Variants in GREB1L observed in about 807,000 individuals in gnomAD.
GREB1L encodes the protein GREB1 like retinoic acid receptor coactivator.
Under a neutral mutation model 200.8 loss-of-function variants are expected in GREB1L, and 17 were observed. The observed-to-expected ratio is 0.08, with a 90% CI of 0.06 to 0.13. The LOEUF is 0.13. Among genes scored for constraint, GREB1L ranks in the 10% least tolerant of loss-of-function variants. The pLI, the probability that GREB1L is intolerant of heterozygous loss-of-function variation, is 1.00. For synonymous variants in GREB1L, 789 were observed against 893.0 expected (o/e 0.88, Z 2.08); for missense variants, 1,657 against 2,367.7 (o/e 0.70, Z 6.23).
chr18:21,473,016 T>C lies in GREB1L; in HGVS notation c.2183-15T>C, dbSNP rs2035544362. On this transcript the variant is annotated splice_polypyrimidine_tract_variant and intron_variant, in intron 15 of 32. Coordinates refer to ENST00000424526, the MANE Select transcript of GREB1L (RefSeq NM_001142966.3). ...TAAAAGTGTGTTAAAAGATGAACTT[T>C]TTTCTTCTTGGCAGGTGTCCTTGTA... is the stretch of plus-strand genomic sequence containing the variant. The C allele has an allele frequency of 1.3e-6, 2 of 1,506,204 alleles. No individual in the cohort carries two copies. Among genetic ancestry groups the C allele is most frequent in the Non-Finnish European group, 1.8e-6 (2 of 1,123,224 alleles). 93.3% of individuals were successfully genotyped at this position (1,506,204 alleles called of 1,614,324 possible).
rs141718909 is a variant in GREB1L, at chr18:21,405,533, G to C, written c.832+1539G>C. ...AAAACATTCATGGCTGGGCGCAGTG[G>C]TTCATGCCTGTAATCCTAGCACTTT... On this transcript the variant is annotated intron_variant, in intron 7 of 32. Transcript: ENST00000424526. 5.3e-5 allele frequency among the ~76,000 whole-genome samples: 8 copies of C among 152,324 alleles called. No homozygotes were observed. The East Asian group carries it at 1.2e-3, about 22-fold the overall frequency.
intron 1 of GREB1L, among the ~76,000 whole-genome samples, chr18:21,348,456 TAGTG>T (rs1413819304): frequency 4.0e-5 from 6 of 151,752 alleles, no homozygotes; most frequent in African/African-American, 1.2e-4. Context: ...CTGGGTAACA[TAGTG>T]AGACCCCATC....
rs1325547407 is a variant in GREB1L at position 21,439,654 on chromosome 18, A to G, written c.949+17A>G. On this transcript the variant is annotated intron_variant, in intron 8 of 32. Coordinates refer to ENST00000424526, the MANE Select transcript of GREB1L (RefSeq NM_001142966.3). Reference sequence around the variant, plus strand: ...GAGATCAAGGTACAATGCCTGTCGTAGAGTTTTGTAATAATGCACTTACCA... The same window carrying G: ...GAGATCAAGGTACAATGCCTGTCGTGGAGTTTTGTAATAATGCACTTACCA... The G allele has an allele frequency of 6.9e-7, 1 of 1,441,324 alleles. No homozygotes were observed. The highest frequency in any genetic ancestry group is 2.0e-5 in the Admixed American group (1 of 50,900). The allele number at this position is 1,441,324 out of a possible 1,614,324, so 89.3% of individuals were successfully genotyped here.
At position 21,395,573 on chromosome 18, in the gene GREB1L, A is replaced by G. The variant is rs16941439; in HGVS notation, c.532+12A>G. ...AAATGCACTTTTAGGTGAGTGTTTC[A>G]TGCTTATAAAATTCCTTCCAATATG... On this transcript the variant is annotated intron_variant, in intron 5 of 32. Coordinates refer to ENST00000424526, the MANE Select transcript of GREB1L (RefSeq NM_001142966.3). 3,199 of 1,525,280 alleles carry G rather than the reference A, an allele frequency of 2.1e-3. 66 individuals carry two copies. In the African/African-American group the frequency reaches 0.04, roughly 19 times the overall value. 94.5% of individuals were successfully genotyped at this position (1,525,280 alleles called of 1,614,324 possible). A position where few individuals can be genotyped will look rare whatever the true frequency, so the allele number is the denominator to read the frequency against.
At chr18:21,358,847 A>G (rs1282384601) in intron 1 of GREB1L, among the ~76,000 whole-genome samples, 1 of 152,242 alleles carries the variant, frequency 6.6e-6, no homozygotes, top group Non-Finnish European at 1.5e-5. Flanking sequence ...AATAAAATGA[A>G]AAGATAATAA....
chr18:21,407,979 G>A (rs537516723), intron 7 of GREB1L, among the ~76,000 whole-genome samples: 2 of 152,190 alleles, frequency 1.3e-5, no homozygotes, highest in East Asian at 1.9e-4. Context: ...GTGAGGAGAT[G>A]GGGATGAAGA....
At chr18:21,386,195 A>C (rs540283547) in intron 4 of GREB1L, among the ~76,000 whole-genome samples, 1 of 152,334 alleles carries the variant, frequency 6.6e-6, no homozygotes, top group South Asian at 2.1e-4. Context: ...TTTGGTTCTT[A>C]TAATTAATGT....
At chr18:21,395,316 A>G in intron 4 of GREB1L, 69 bp from the exon 5 acceptor site, 1 of 1,210,042 alleles carries the variant, frequency 8.3e-7, no homozygotes. Flanking sequence ...CTACTCTCCA[A>G]ATGAGTGATA....
rs941447513 is a variant in GREB1L at position 21,404,782 on chromosome 18, G to C, written c.832+788G>C. On this transcript the variant is annotated intron_variant, in intron 7 of 32. Coordinates refer to ENST00000424526, the MANE Select transcript of GREB1L (RefSeq NM_001142966.3). ...GGTTATATCTTAGGCAAGAAGGAAAGTATTTTAAAAGACTTTGTGAATTTG... is the reference window on the plus strand; with the variant it reads ...GGTTATATCTTAGGCAAGAAGGAAACTATTTTAAAAGACTTTGTGAATTTG... 3.3e-5 allele frequency among the ~76,000 whole-genome samples: 5 copies of C among 152,160 alleles called. No individual in the cohort carries two copies. The East Asian group carries it at 7.7e-4, about 23-fold the overall frequency.
intron 15 of GREB1L, among the ~76,000 whole-genome samples, chr18:21,464,607 G>A (rs1371706738): frequency 6.6e-6 from 1 of 151,194 alleles, no homozygotes; most frequent in Non-Finnish European, 1.5e-5. Context: ...ATCATCCCAT[G>A]GATCAAAAGC....
At chr18:21,265,222 G>A (rs2037947200) in intron 1 of GREB1L, among the ~76,000 whole-genome samples, 1 of 151,890 alleles carries the variant, frequency 6.6e-6, no homozygotes, top group Non-Finnish European at 1.5e-5. Context: ...TTAAAATTTA[G>A]GACAAGTTCA....
intron 2 of GREB1L, among the ~76,000 whole-genome samples, chr18:21,371,495 T>C (rs1349451309): frequency 6.7e-6 from 1 of 149,428 alleles, no homozygotes; most frequent in African/African-American, 2.5e-5. Flanking sequence ...AAAGTAAAAA[T>C]GGTTGCTACT....
chr18:21,305,825 T>C (rs550987201), intron 1 of GREB1L, among the ~76,000 whole-genome samples: 3 of 152,270 alleles, frequency 2.0e-5, no homozygotes, highest in African/African-American at 7.2e-5. Flanking sequence ...TTCTGACTAT[T>C]CCCCAAGCCT....
intron 7 of GREB1L, among the ~76,000 whole-genome samples, chr18:21,419,447 C>T (rs2031953119): frequency 6.6e-6 from 1 of 152,032 alleles, no homozygotes; most frequent in African/African-American, 2.4e-5. Flanking sequence ...ACAGGGACAA[C>T]TGACTTTTTG....
chr18:21,346,972 C>T (rs1260469601), intron 1 of GREB1L, among the ~76,000 whole-genome samples: 1 of 152,216 alleles, frequency 6.6e-6, no homozygotes, highest in Non-Finnish European at 1.5e-5. Context: ...CCTATTTCCA[C>T]CCTTGTTCAC....
chr18:21,282,948 A>G (rs1191850884), intron 1 of GREB1L, among the ~76,000 whole-genome samples: 3 of 152,226 alleles, frequency 2.0e-5, no homozygotes, highest in Non-Finnish European at 4.4e-5. Context: ...CATAAGGTAC[A>G]TGTATTGTAC....
At chr18:21,518,742 G>T (rs1207504026) in intron 31 of GREB1L, among the ~76,000 whole-genome samples, 1 of 152,086 alleles carries the variant, frequency 6.6e-6, no homozygotes, top group Non-Finnish European at 1.5e-5. Flanking sequence ...CTTTAGAGGT[G>T]GCATTTCTCC....
At chr18:21,500,479 C>A in intron 22 of GREB1L, 61 bp from the exon 23 acceptor site, 1 of 1,258,032 alleles carries the variant, frequency 7.9e-7, no homozygotes, top group Non-Finnish European at 1.1e-6. Flanking sequence ...AATCTCTTTT[C>A]TCTTTTCTTC....
At chr18:21,465,095 T>C (rs1327900094) in intron 15 of GREB1L, among the ~76,000 whole-genome samples, 1 of 152,198 alleles carries the variant, frequency 6.6e-6, no homozygotes, top group Non-Finnish European at 1.5e-5. Flanking sequence ...ATACTTATTA[T>C]TTGTTTGTGG....
Sources: gnomAD v4.1 joint callset for allele counts (sites outside exome capture counted in the v4.1 genomes callset) on GRCh38, gnomAD v4.1.1 for gene constraint, MANE v1.5 for transcripts, NCBI Gene and HGNC (gene_info 2026-07-23, HGNC 2026-07-21) for gene names.